GFOD1: variants seen among roughly 807,000 people sequenced by gnomAD.
The protein encoded by GFOD1 is glucose-fructose oxidoreductase domain-containing protein 1.
Under a neutral mutation model 25.4 loss-of-function variants are expected in GFOD1, and 9 were observed. The observed-to-expected ratio is 0.35, with a 90% confidence interval of 0.21 to 0.62. GFOD1 has a LOEUF of 0.62. Ranked by LOEUF, GFOD1 falls within the 20% of genes least tolerant of loss-of-function variation. GFOD1 has a pLI of 0.72. For synonymous variants in GFOD1, 253 were observed against 245.6 expected (o/e 1.03, Z -0.28); for missense variants, 403 against 556.9 (o/e 0.72, Z 2.78).
chr6:13,464,265 A>C (rs544082589), intron 1 of GFOD1, among the ~76,000 whole-genome samples: 4 of 152,356 alleles, frequency 2.6e-5, no homozygotes, highest in Admixed American at 2.0e-4. Context: ...GGAAGGCTCC[A>C]GACGTTCATC....
chr6:13,474,775 T>C (rs1391913857), intron 1 of GFOD1, among the ~76,000 whole-genome samples: 4 of 152,202 alleles, frequency 2.6e-5, no homozygotes, highest in Non-Finnish European at 5.9e-5. Context: ...TAGAAAACCC[T>C]ACTGGAAGAC....
intron 1 of GFOD1, among the ~76,000 whole-genome samples, chr6:13,367,615 G>A (rs1315460216): frequency 1.3e-5 from 2 of 152,128 alleles, no homozygotes; most frequent in Non-Finnish European, 2.9e-5. Flanking sequence ...AGGAGACTAA[G>A]TGGTTCTGGG....
At chr6:13,425,113 A>G (rs917960258) in intron 1 of GFOD1, among the ~76,000 whole-genome samples, 4 of 151,798 alleles carry the variant, frequency 2.6e-5, no homozygotes, top group South Asian at 4.2e-4. Context: ...CACATGCCAC[A>G]ATACTGGGCT....
chr6:13,472,230 T>C (rs1758523862), intron 1 of GFOD1, among the ~76,000 whole-genome samples: 1 of 152,160 alleles, frequency 6.6e-6, no homozygotes, highest in Non-Finnish European at 1.5e-5. Flanking sequence ...AAGTTGAGAT[T>C]TTAGCGGGGA....
chr6:13,392,891 AC>A (rs1235867173), intron 1 of GFOD1, among the ~76,000 whole-genome samples: 1 of 150,988 alleles, frequency 6.6e-6, no homozygotes, highest in African/African-American at 2.5e-5. Context: ...TGCTGTCCCT[AC>A]AAAAAAAAAA....
intron 1 of GFOD1, among the ~76,000 whole-genome samples, chr6:13,385,599 A>C (rs1428214607): frequency 6.6e-6 from 1 of 152,238 alleles, no homozygotes; most frequent in African/African-American, 2.4e-5. Flanking sequence ...CAAGCCAATC[A>C]TCAAGGGTTT....
At chr6:13,414,504 C>A (rs1194804686) in intron 1 of GFOD1, among the ~76,000 whole-genome samples, 1 of 152,200 alleles carries the variant, frequency 6.6e-6, no homozygotes, top group Non-Finnish European at 1.5e-5. Flanking sequence ...TGTAGCACAG[C>A]ACAGAGTTGA....
intron 1 of GFOD1, among the ~76,000 whole-genome samples, chr6:13,415,912 C>A (rs1038060588): frequency 6.6e-6 from 1 of 152,160 alleles, no homozygotes; most frequent in African/African-American, 2.4e-5. Context: ...AACAGACAAA[C>A]GTGGTCCCAT....
chr6:13,443,578 G>A (rs938800746), intron 1 of GFOD1, among the ~76,000 whole-genome samples: 16 of 152,270 alleles, frequency 1.1e-4, no homozygotes, highest in African/African-American at 3.9e-4. Flanking sequence ...CACTTTGGGA[G>A]GCTGAGGTGG....
intron 1 of GFOD1, among the ~76,000 whole-genome samples, chr6:13,438,426 C>A (rs924228491): frequency 1.3e-5 from 2 of 152,178 alleles, no homozygotes; most frequent in African/African-American, 4.8e-5. Flanking sequence ...TTTACTATAG[C>A]CTGTAACCAC....
At chr6:13,457,535 G>T (rs1404765866) in intron 1 of GFOD1, among the ~76,000 whole-genome samples, 1 of 152,168 alleles carries the variant, frequency 6.6e-6, no homozygotes, top group African/African-American at 2.4e-5. Context: ...CACACCCAGG[G>T]ATGATGGAGC....
At chr6:13,454,421 G>C (rs918794476) in intron 1 of GFOD1, among the ~76,000 whole-genome samples, 3 of 152,202 alleles carry the variant, frequency 2.0e-5, no homozygotes, top group African/African-American at 4.8e-5. Flanking sequence ...CAGAAGGCAT[G>C]TGCATAACAT....
Position 13,362,138 on chromosome 6 carries a change from C to T in GFOD1, c.*2605G>A, listed in dbSNP as rs1249420765. ...AATAATAATAATTCCAATGTTTCCC[C>T]AAAAACTACTTTCCCAGGGAGCAAT... is the stretch of plus-strand genomic sequence containing the variant. On this transcript the variant is annotated 3_prime_UTR_variant, in exon 2 of 2. Coordinates refer to ENST00000379287, the MANE Select transcript of GFOD1 (RefSeq NM_018988.4). 6.6e-6 allele frequency: 1 copy of T among 152,022 alleles called. No individual in the cohort carries two copies. The highest frequency in any genetic ancestry group is 2.4e-5 in the African/African-American group (1 of 41,390). The allele number at this position is 152,022 out of a possible 1,614,324, so 9.4% of individuals were successfully genotyped here. A position where few individuals can be genotyped will look rare whatever the true frequency, so the allele number is the denominator to read the frequency against.
chr6:13,478,884 G>A (rs13203006), intron 1 of GFOD1, among the ~76,000 whole-genome samples: 19,420 of 152,022 alleles, frequency 0.13, 1,497 homozygotes, highest in South Asian at 0.27. Flanking sequence ...CTGTTCCTGC[G>A]TCATGTGGGA....
chr6:13,382,819 C>T (rs920657603), intron 1 of GFOD1, among the ~76,000 whole-genome samples: 1 of 152,144 alleles, frequency 6.6e-6, no homozygotes, highest in Non-Finnish European at 1.5e-5. Flanking sequence ...TCTCCCTCCC[C>T]CAACCCTACT....
chr6:13,453,596 A>G (rs368514118), intron 1 of GFOD1, among the ~76,000 whole-genome samples: 3 of 152,244 alleles, frequency 2.0e-5, no homozygotes, highest in Admixed American at 6.5e-5. Flanking sequence ...CAATAAAACT[A>G]TATTCCCATA....
chr6:13,403,137 T>C (rs1310307346), intron 1 of GFOD1, among the ~76,000 whole-genome samples: 1 of 151,488 alleles, frequency 6.6e-6, no homozygotes, highest in Admixed American at 6.6e-5. Flanking sequence ...GTATTTTTTG[T>C]TTTTTTGAGA....
intron 1 of GFOD1, among the ~76,000 whole-genome samples, chr6:13,374,624 TTGAC>T (rs746273552): frequency 5.9e-5 from 9 of 151,840 alleles, no homozygotes; most frequent in Non-Finnish European, 1.2e-4. Flanking sequence ...GTTTTTTTAA[TTGAC>T]ACGTAATAAT....
chr6:13,375,295 C>T (rs918317673), intron 1 of GFOD1, among the ~76,000 whole-genome samples: 1 of 152,146 alleles, frequency 6.6e-6, no homozygotes, highest in African/African-American at 2.4e-5. Flanking sequence ...CAGAGATACA[C>T]GCTCCTATTT....
Sources: allele counts gnomAD v4.1 joint callset (sites outside exome capture counted in the v4.1 genomes callset), GRCh38; gene constraint gnomAD v4.1.1; transcripts MANE v1.5; gene names NCBI Gene and HGNC (gene_info 2026-07-23, HGNC 2026-07-21).